Variants in CLNK observed in about 807,000 individuals in gnomAD.
The protein encoded by CLNK is cytokine-dependent hematopoietic cell linker.
CLNK carries 74 observed loss-of-function variants against 68.6 expected under a neutral mutation model. That is an observed-to-expected ratio of 1.08 (90% CI 0.89 to 1.31). The LOEUF (loss-of-function observed/expected upper bound fraction) is 1.31. Ranked by LOEUF, CLNK falls within the 50% of genes most tolerant of loss-of-function variation. CLNK has a pLI of 0.00. For missense variants in CLNK, 553 were observed against 515.3 expected (o/e 1.07, Z -0.71); for synonymous variants, 198 against 172.2 (o/e 1.15, Z -1.17).
At chr4:10,645,234 A>G (rs889873050) in intron 2 of CLNK, among the ~76,000 whole-genome samples, 2 of 152,218 alleles carry the variant, frequency 1.3e-5, no homozygotes. Flanking sequence ...CGCTGCCTCT[A>G]GCAGCTAATA....
At chr4:10,663,515 T>C (rs908164759) in intron 2 of CLNK, among the ~76,000 whole-genome samples, 14 of 152,192 alleles carry the variant, frequency 9.2e-5, no homozygotes, top group Non-Finnish European at 1.5e-4. Context: ...ATATGATTTA[T>C]GTATACTCAA....
upstream of CLNK, among the ~76,000 whole-genome samples, chr4:10,685,317 A>T (rs11735451): frequency 0.28 from 42,777 of 152,052 alleles, 6,437 homozygotes; most frequent in Non-Finnish European, 0.34. Flanking sequence ...AAACTTTTTT[A>T]AAAAATGAGG....
chr4:10,591,330 C>G (rs1721171295), intron 3 of CLNK, among the ~76,000 whole-genome samples: 1 of 152,092 alleles, frequency 6.6e-6, no homozygotes, highest in Non-Finnish European at 1.5e-5. Context: ...GCCCTCTTCT[C>G]CTTATTTGGG....
At chr4:10,639,386 G>A (rs1000256459) in intron 2 of CLNK, among the ~76,000 whole-genome samples, 1 of 152,214 alleles carries the variant, frequency 6.6e-6, no homozygotes, top group Admixed American at 6.5e-5. Context: ...ATGATCAACT[G>A]GCTTTAGGGC....
intron 2 of CLNK, among the ~76,000 whole-genome samples, chr4:10,613,492 A>G (rs1420774216): frequency 6.6e-6 from 1 of 152,212 alleles, no homozygotes; most frequent in Non-Finnish European, 1.5e-5. Context: ...ATCAAGGCAG[A>G]TGTGACAATA....
intron 18 of CLNK, among the ~76,000 whole-genome samples, chr4:10,494,436 C>CAACT (rs1716720154): frequency 6.6e-6 from 1 of 151,442 alleles, no homozygotes; most frequent in African/African-American, 2.4e-5. Context: ...AAGACAGGTG[C>CAACT]AACTAGTCAC....
chr4:10,493,998 G>A (rs915242535), intron 18 of CLNK, among the ~76,000 whole-genome samples: 2 of 152,188 alleles, frequency 1.3e-5, no homozygotes, highest in Non-Finnish European at 2.9e-5. Context: ...CAGGCCTTAT[G>A]ATTAACTCCT....
chr4:10,679,982 A>G (rs1044535124), intron 1 of CLNK, among the ~76,000 whole-genome samples: 2 of 152,180 alleles, frequency 1.3e-5, no homozygotes, highest in Non-Finnish European at 2.9e-5. Context: ...ATCTAGAACT[A>G]GAAATACCAT....
Position 10,525,859 on chromosome 4 carries a change from A to G in CLNK, c.713T>C (p.Ile238Thr). Residue 238 changes from isoleucine to threonine, a missense_variant, in exon 14 of 19, where the codon ATT (isoleucine) becomes ACT (threonine). Ile to Thr is a moderately conservative substitution (Grantham distance 89). Coordinates refer to ENST00000226951, the MANE Select transcript of CLNK (RefSeq NM_052964.4). ...TCCTTACCTGCTAATGGCAAGTGGA[A>G]TCTCTTGAGTATTTTGGTTTTCTAA... The part of the protein sequence containing the change: ...HLLENQNTQE[I>T]PLAISSSSFT... 1.3e-6 allele frequency: 2 copies of G among 1,582,810 alleles called. No individual in the cohort carries two copies. Among genetic ancestry groups the G allele is most frequent in the Non-Finnish European group, 8.6e-7 (1 of 1,162,254 alleles).
the CLNK span, among the ~76,000 whole-genome samples, chr4:10,701,649 C>A: frequency 6.6e-6 from 1 of 152,208 alleles, no homozygotes; most frequent in African/African-American, 2.4e-5. Flanking sequence ...GCTTGCCACA[C>A]GCCACCATAG....
chr4:10,660,272 G>A (rs1467847187), intron 2 of CLNK, among the ~76,000 whole-genome samples: 1 of 152,168 alleles, frequency 6.6e-6, no homozygotes, highest in Non-Finnish European at 1.5e-5. Flanking sequence ...TTCCTGCAGT[G>A]GAAGACCATA....
At chr4:10,554,897 G>A (rs1013090325) in intron 8 of CLNK, among the ~76,000 whole-genome samples, 2 of 152,188 alleles carry the variant, frequency 1.3e-5, no homozygotes, top group Non-Finnish European at 2.9e-5. Context: ...CGAAATGAGA[G>A]GGAGAATACA....
chr4:10,664,922 A>G (rs1468555357), intron 2 of CLNK, among the ~76,000 whole-genome samples: 1 of 152,128 alleles, frequency 6.6e-6, no homozygotes, highest in Non-Finnish European at 1.5e-5. Context: ...TTTACTTTTT[A>G]CTTTGGGGCA....
chr4:10,501,329 A>G lies in CLNK; in HGVS notation c.1067T>C (p.Val356Ala). The change falls in exon 18 of 19, where the codon GTC becomes GCC. Residue 356 changes from valine (V) to alanine (A), a missense_variant. Transcript: ENST00000226951. The stretch of plus-strand genomic sequence containing the variant: ...CAGGAAGCGTATTTTTACATTGTAG[A>G]CTTTGTTCTCATAAAACACAGCCAA... ...YVLAVFYENK[V>A]YNVKIRFLER... The G allele has an allele frequency of 6.2e-7, 1 of 1,609,674 alleles. No homozygotes were observed. Among genetic ancestry groups the G allele is most frequent in the Non-Finnish European group, 8.5e-7 (1 of 1,178,556 alleles).
chr4:10,580,018 G>C (rs1336203976), intron 4 of CLNK, among the ~76,000 whole-genome samples: 2 of 152,136 alleles, frequency 1.3e-5, no homozygotes, highest in Non-Finnish European at 2.9e-5. Context: ...CTCCATCTCT[G>C]TATGGGGGAG....
At chr4:10,676,403 T>TTTTG (rs1425003402) in intron 1 of CLNK, among the ~76,000 whole-genome samples, 1 of 151,060 alleles carries the variant, frequency 6.6e-6, no homozygotes, top group East Asian at 1.9e-4. Context: ...CTTTTTTTTT[T>TTTTG]TTTTTGAGGG....
chr4:10,618,977 T>G (rs1198627297), intron 2 of CLNK, among the ~76,000 whole-genome samples: 3 of 152,154 alleles, frequency 2.0e-5, no homozygotes, highest in Non-Finnish European at 1.5e-5. Context: ...CCTAAATAAA[T>G]TTATATCTAA....
chr4:10,699,494 C>CTCTATATATATATATA, the CLNK span, among the ~76,000 whole-genome samples: 30 of 56,972 alleles, frequency 5.3e-4, no homozygotes, highest in African/African-American at 2.4e-3. Flanking sequence ...CTCTCTCTCT[C>CTCTATATATATATATA]TATATATATA....
chr4:10,490,974 A>G (rs1052366638), intron 18 of CLNK, among the ~76,000 whole-genome samples: 1 of 152,210 alleles, frequency 6.6e-6, no homozygotes, highest in Non-Finnish European at 1.5e-5. Context: ...CATGTTGGCC[A>G]GACTGGTCTC....
Sources: allele counts gnomAD v4.1 joint callset (sites outside exome capture counted in the v4.1 genomes callset), GRCh38; gene constraint gnomAD v4.1.1; transcripts MANE v1.5; gene names NCBI Gene and HGNC (gene_info 2026-07-23, HGNC 2026-07-21).